SPATA13: variants seen among roughly 807,000 people sequenced by gnomAD.
The protein encoded by SPATA13 is spermatogenesis-associated protein 13.
SPATA13 carries 50 observed loss-of-function variants against 104.0 expected under a neutral mutation model. The ratio of observed to expected loss-of-function variants is 0.48; its 90% CI spans 0.38 to 0.61. The LOEUF is 0.61. Among genes scored for constraint, SPATA13 ranks in the 20% least tolerant of loss-of-function variants. The pLI is 0.00. For missense variants in SPATA13, 1,524 were observed against 1,690.6 expected (o/e 0.90, Z 1.73); for synonymous variants, 606 against 667.5 (o/e 0.91, Z 1.42).
At chr13:24,278,765 T>A in intron 4 of SPATA13, 1 of 1,598,382 alleles carries the variant, frequency 6.3e-7, no homozygotes, top group African/African-American at 1.4e-5. Context: ...CAAGGACTCA[T>A]ACTCAAAAAA....
At position 24,199,495 on chromosome 13, in the gene SPATA13, G is replaced by C. The variant is rs907674906; in HGVS notation, c.-111-23324G>C. On this transcript the variant is annotated intron_variant, in intron 1 of 12. Coordinates refer to ENST00000382108, the MANE Select transcript of SPATA13 (RefSeq NM_001166271.3). ...CCCTAAAAGTTGTGTTTTTGAAGCT[G>C]AATGTCTCAGAATCTTTCTGCTGAT... is the stretch of plus-strand genomic sequence containing the variant. 2.0e-5 allele frequency among the ~76,000 whole-genome samples: 3 copies of C among 152,340 alleles called. No homozygotes were observed. The South Asian group carries it at 6.2e-4, about 32-fold the overall frequency.
intron 3 of SPATA13, among the ~76,000 whole-genome samples, chr13:24,020,932 C>G (rs1207205508): frequency 1.3e-5 from 2 of 152,140 alleles, no homozygotes; most frequent in African/African-American, 4.8e-5. Context: ...ATCCCAGCTA[C>G]TCAGGAGGCT....
At chr13:24,168,857 T>C (rs1381467587) in intron 1 of SPATA13, among the ~76,000 whole-genome samples, 1 of 152,302 alleles carries the variant, frequency 6.6e-6, no homozygotes, top group African/African-American at 2.4e-5. Context: ...AAATTTGAAG[T>C]TAAATAATTC....
rs1239079703 is a variant in SPATA13, at chr13:24,146,713, T to C, written c.-111-76106T>C. 2.6e-5 allele frequency among the ~76,000 whole-genome samples: 4 copies of C among 152,348 alleles called. No individual in the cohort carries two copies. In the South Asian group the frequency reaches 6.2e-4, roughly 24 times the overall value. On this transcript the variant is annotated intron_variant, in intron 3 of 14. Coordinates refer to the SPATA13 transcript ENST00000424834. ...ATATGTGAATGCCATGATTATGTTATACATTTAATTAGTATATACCTTTGT... is the reference window on the plus strand; with the variant it reads ...ATATGTGAATGCCATGATTATGTTACACATTTAATTAGTATATACCTTTGT...
chr13:24,233,840 A>G (rs1238746625), intron 2 of SPATA13, among the ~76,000 whole-genome samples: 1 of 151,928 alleles, frequency 6.6e-6, no homozygotes, highest in Non-Finnish European at 1.5e-5. Context: ...CGGAATCCCG[A>G]GTCTCCTCCA....
chr13:24,130,446 G>A (rs1881358023), intron 3 of SPATA13, among the ~76,000 whole-genome samples: 2 of 152,366 alleles, frequency 1.3e-5, no homozygotes, highest in Middle Eastern at 3.4e-3. Flanking sequence ...GAGAAAATGG[G>A]AAGAGGTCAG....
chr13:24,228,837 G>A (rs150619329), intron 2 of SPATA13, among the ~76,000 whole-genome samples: 9 of 152,190 alleles, frequency 5.9e-5, no homozygotes, highest in African/African-American at 9.6e-5. Flanking sequence ...ATATTATAAT[G>A]TACTTTCAAT....
At chr13:24,222,693 G>A (rs2138609927) in intron 1 of SPATA13, 126 bp from the exon 2 acceptor site, 1 of 754,516 alleles carries the variant, frequency 1.3e-6, no homozygotes, top group Middle Eastern at 3.1e-4. Flanking sequence ...GAAATGTACA[G>A]TTTTAATTGA....
intron 1 of SPATA13, among the ~76,000 whole-genome samples, chr13:24,198,468 C>T (rs140661147): frequency 1.8e-3 from 276 of 152,262 alleles, no homozygotes; most frequent in African/African-American, 6.0e-3. Flanking sequence ...CTAGAGGTCT[C>T]CAAAACCCTT....
intron 4 of SPATA13, among the ~76,000 whole-genome samples, chr13:24,283,528 T>C (rs1282076929): frequency 1.3e-5 from 2 of 152,216 alleles, no homozygotes; most frequent in Non-Finnish European, 2.9e-5. Flanking sequence ...AAAATCTGAC[T>C]AGCAGGGTGG....
chr13:24,097,008 G>T (rs535939982), intron 3 of SPATA13, among the ~76,000 whole-genome samples: 2 of 152,342 alleles, frequency 1.3e-5, no homozygotes, highest in African/African-American at 4.8e-5. Flanking sequence ...CAAAAGAGGA[G>T]ACAAGGAGCC....
At chr13:24,142,905 G>A (rs1344276724) in intron 3 of SPATA13, among the ~76,000 whole-genome samples, 1 of 152,180 alleles carries the variant, frequency 6.6e-6, no homozygotes, top group Non-Finnish European at 1.5e-5. Flanking sequence ...CCTCATGTCA[G>A]TCAGGGCCTT....
At chr13:23,991,910 G>A (rs1170046807) in intron 2 of SPATA13, among the ~76,000 whole-genome samples, 1 of 152,178 alleles carries the variant, frequency 6.6e-6, no homozygotes, top group Non-Finnish European at 1.5e-5. Context: ...TTGGTATAGT[G>A]CAATGTGGAA....
intron 3 of SPATA13, among the ~76,000 whole-genome samples, chr13:24,055,447 C>A (rs933283363): frequency 6.6e-6 from 1 of 152,182 alleles, no homozygotes; most frequent in Non-Finnish European, 1.5e-5. Context: ...GTAACAGGAC[C>A]TACCTTACTG....
At chr13:23,986,846 A>C (rs1875168259) in intron 2 of SPATA13, among the ~76,000 whole-genome samples, 1 of 152,162 alleles carries the variant, frequency 6.6e-6, no homozygotes, top group Admixed American at 6.6e-5. Context: ...TCTCAGACCC[A>C]GATGTCTGCA....
chr13:24,268,970 A>G (rs1356403332), intron 4 of SPATA13, among the ~76,000 whole-genome samples: 6 of 152,216 alleles, frequency 3.9e-5, no homozygotes, highest in Admixed American at 2.6e-4. Context: ...ACGATATAGT[A>G]TATAGTCAAC....
intron 2 of SPATA13, among the ~76,000 whole-genome samples, chr13:24,001,518 A>G (rs1275056039): frequency 1.3e-5 from 2 of 151,538 alleles, no homozygotes; most frequent in Non-Finnish European, 2.9e-5. Context: ...GCTGGCGGGG[A>G]AAGGCAGGAG....
At chr13:23,995,476 A>C (rs1264802170) in intron 2 of SPATA13, among the ~76,000 whole-genome samples, 1 of 152,222 alleles carries the variant, frequency 6.6e-6, no homozygotes, top group African/African-American at 2.4e-5. Flanking sequence ...CCAGATGGGA[A>C]GGAAATAACA....
At chr13:24,245,584 CTTTTTTT>C (rs61316306) in intron 2 of SPATA13, among the ~76,000 whole-genome samples, 3 of 88,630 alleles carry the variant, frequency 3.4e-5, no homozygotes, top group East Asian at 3.9e-4. Flanking sequence ...ACAGTTGTTT[CTTTTTTT>C]TTTTTTTTTT....
Sources: allele counts gnomAD v4.1 joint callset (sites outside exome capture counted in the v4.1 genomes callset), GRCh38; gene constraint gnomAD v4.1.1; transcripts MANE v1.5; gene names NCBI Gene and HGNC (gene_info 2026-07-23, HGNC 2026-07-21).